The following RARB variants were observed in gnomAD, a reference collection of about 807,000 sequenced individuals.
RARB encodes the protein HBV-activated protein.
A neutral mutation model predicts 51.9 loss-of-function variants in RARB; 17 were observed. The observed-to-expected ratio is 0.33, with a 90% CI of 0.22 to 0.49. The LOEUF (loss-of-function observed/expected upper bound fraction) is 0.49. Among genes scored for constraint, RARB ranks in the 20% least tolerant of loss-of-function variants. The pLI, the probability that RARB is intolerant of heterozygous loss-of-function variation, is 0.99. For missense variants in RARB, 369 were observed against 550.8 expected, an observed-to-expected ratio of 0.67 and a Z score of 3.30; for synonymous variants, 215 against 195.4, an observed-to-expected ratio of 1.10 and a Z score of -0.84.
At chr3:24,986,708 A>C (rs1696800684) in intron 2 of RARB, among the ~76,000 whole-genome samples, 1 of 152,174 alleles carries the variant, frequency 6.6e-6, no homozygotes, top group Admixed American at 6.6e-5. Flanking sequence ...TGTGTGTTTT[A>C]TGGTTCAAAT....
At chr3:25,234,001 A>G (rs1213967717) in intron 5 of RARB, among the ~76,000 whole-genome samples, 1 of 152,064 alleles carries the variant, frequency 6.6e-6, no homozygotes, top group African/African-American at 2.4e-5. Flanking sequence ...AAGGCTATTC[A>G]TGACAAATAG....
At chr3:25,183,375 C>G (rs145768570) in intron 5 of RARB, among the ~76,000 whole-genome samples, 1 of 152,194 alleles carries the variant, frequency 6.6e-6, no homozygotes, top group African/African-American at 2.4e-5. Flanking sequence ...GAATTTCTTT[C>G]TCTTCCTCTG....
At chr3:25,217,269 A>G (rs1256367385) in intron 5 of RARB, among the ~76,000 whole-genome samples, 3 of 152,232 alleles carry the variant, frequency 2.0e-5, no homozygotes, top group Non-Finnish European at 2.9e-5. Context: ...AAAATAAACC[A>G]TCAATTCCCT....
intron 3 of RARB, among the ~76,000 whole-genome samples, chr3:25,531,570 A>G (rs1282446864): frequency 6.6e-6 from 1 of 152,158 alleles, no homozygotes; most frequent in African/African-American, 2.4e-5. Flanking sequence ...AGAGCAATGT[A>G]TGTTTGAAAT....
chr3:25,409,259 T>A (rs1707495456), intron 5 of RARB, among the ~76,000 whole-genome samples: 1 of 152,222 alleles, frequency 6.6e-6, no homozygotes, highest in African/African-American at 2.4e-5. Flanking sequence ...CTATGTTTTC[T>A]TGTTGTTTTC....
At chr3:25,111,468 C>T (rs1477070438) in intron 3 of RARB, among the ~76,000 whole-genome samples, 1 of 151,884 alleles carries the variant, frequency 6.6e-6, no homozygotes, top group Non-Finnish European at 1.5e-5. Context: ...GATTTAAAAT[C>T]ATTTCTGAAA....
intron 2 of RARB, among the ~76,000 whole-genome samples, chr3:25,024,614 G>A (rs1001054845): frequency 1.3e-5 from 2 of 152,080 alleles, no homozygotes; most frequent in Admixed American, 6.6e-5. Context: ...GGACTAGAAA[G>A]CCATTAGACA....
chr3:25,373,033 G>A (rs993205677), intron 5 of RARB, among the ~76,000 whole-genome samples: 1 of 152,132 alleles, frequency 6.6e-6, no homozygotes, highest in African/African-American at 2.4e-5. Flanking sequence ...TGACTGAGGA[G>A]CAAGGCTGGG....
chr3:24,876,486 G>T (rs547949701), intron 2 of RARB, among the ~76,000 whole-genome samples: 1 of 152,160 alleles, frequency 6.6e-6, no homozygotes, highest in South Asian at 2.1e-4. Context: ...AAAGAATCAG[G>T]TAGCTCAGTC....
chr3:25,513,661 T>TACACACACAC (rs10525876), intron 3 of RARB, among the ~76,000 whole-genome samples: 3,001 of 145,166 alleles, frequency 0.021, 100 homozygotes, highest in African/African-American at 0.073. Flanking sequence ...CTCTCAAAAC[T>TACACACACAC]ACACACACAC....
At chr3:25,235,251 C>G (rs1442904671) in intron 5 of RARB, among the ~76,000 whole-genome samples, 1 of 152,096 alleles carries the variant, frequency 6.6e-6, no homozygotes, top group Non-Finnish European at 1.5e-5. Flanking sequence ...TGAAACTCTT[C>G]GGCTGTAGTA....
chr3:25,117,047 G>A (rs766474476), intron 3 of RARB, among the ~76,000 whole-genome samples: 2 of 152,134 alleles, frequency 1.3e-5, no homozygotes, highest in Non-Finnish European at 2.9e-5. Context: ...CCTTTCTGAT[G>A]CTTTAATAAT....
At chr3:25,025,219 C>T (rs1189545315) in intron 2 of RARB, 5 of 152,156 alleles carry the variant, frequency 3.3e-5, no homozygotes. Flanking sequence ...ATCTACATAG[C>T]ACTTCCAAGA....
chr3:25,590,730 G>A (rs1172907300), intron 5 of RARB, among the ~76,000 whole-genome samples: 1 of 152,196 alleles, frequency 6.6e-6, no homozygotes, highest in Non-Finnish European at 1.5e-5. Context: ...GTGTGGGCCA[G>A]GCTGGTCTCG....
chr3:25,508,487 C>T (rs1378849408), intron 3 of RARB, among the ~76,000 whole-genome samples: 2 of 152,088 alleles, frequency 1.3e-5, no homozygotes, highest in Non-Finnish European at 2.9e-5. Context: ...TTGATGTGCT[C>T]ATTGGTTCTA....
chr3:25,031,709 T>C (rs147104783), intron 2 of RARB, among the ~76,000 whole-genome samples: 90 of 152,316 alleles, frequency 5.9e-4, no homozygotes, highest in African/African-American at 2.1e-3. Context: ...GAGTTGCATG[T>C]TTCTATTAGC....
chr3:25,175,559 C>T (rs34283888), intron 5 of RARB, among the ~76,000 whole-genome samples: 14,120 of 152,164 alleles, frequency 0.093, 854 homozygotes, highest in South Asian at 0.23. Context: ...CTTAGCTCAC[C>T]GAAAGCAGGG....
At chr3:25,476,538 G>A (rs1695954973) in intron 2 of RARB, among the ~76,000 whole-genome samples, 1 of 152,022 alleles carries the variant, frequency 6.6e-6, no homozygotes, top group African/African-American at 2.4e-5. Flanking sequence ...AAATTGTGTG[G>A]CACCCCAAAT....
intron 5 of RARB, among the ~76,000 whole-genome samples, chr3:25,289,016 C>T (rs971311471): frequency 6.6e-6 from 1 of 152,356 alleles, no homozygotes; most frequent in East Asian, 1.9e-4. Context: ...ATAACTCATT[C>T]ATACTGTTCC....
Sources: allele counts gnomAD v4.1 joint callset (sites outside exome capture counted in the v4.1 genomes callset), GRCh38; gene constraint gnomAD v4.1.1; transcripts MANE v1.5; gene names NCBI Gene and HGNC (gene_info 2026-07-23, HGNC 2026-07-21).